The following ZNF790 variants were observed in gnomAD, a reference collection of about 807,000 sequenced individuals.
ZNF790 encodes the protein zinc finger protein 790.
ZNF790 carries 8 observed loss-of-function variants against 12.1 expected under a neutral mutation model. The ratio of observed to expected loss-of-function variants is 0.66; its 90% CI spans 0.39 to 1.19. The LOEUF (loss-of-function observed/expected upper bound fraction) is 1.19. Ranked by LOEUF, ZNF790 falls within the 50% of genes most tolerant of loss-of-function variation. ZNF790 has a pLI of 0.01. For synonymous variants in ZNF790, 252 were observed against 244.3 expected (o/e 1.03, Z -0.29); for missense variants, 707 against 752.2 (o/e 0.94, Z 0.70).
chr19:36,820,743 A>C (rs1242337518), intron 4 of ZNF790, among the ~76,000 whole-genome samples: 5 of 152,032 alleles, frequency 3.3e-5, no homozygotes, highest in Non-Finnish European at 1.5e-5. Flanking sequence ...ATCTCTATAA[A>C]AAATTAGCCA....
In ZNF790 at chr19:36,818,222, T is replaced by A. The variant is rs1036067262; in HGVS notation, c.*211A>T. 2.6e-6 allele frequency: 1 copy of A among 382,378 alleles called. No homozygotes were observed. Among genetic ancestry groups the A allele is most frequent in the African/African-American group, 2.1e-5 (1 of 48,778 alleles). The allele number at this position is 382,378 out of a possible 1,614,324, so 23.7% of individuals were successfully genotyped here. ...ATCTCATAAAATTTTACCCTGATAT[T>A]CTGCAATTGATAACTGATCAGTAAT... On this transcript the variant is annotated 3_prime_UTR_variant, in exon 5 of 5. Coordinates refer to ENST00000356725, the MANE Select transcript of ZNF790 (RefSeq NM_206894.4).
intron 4 of ZNF790, 114 bp from the exon 5 acceptor site, chr19:36,820,228 G>GA (rs2071639178): frequency 8.8e-7 from 1 of 1,142,760 alleles, no homozygotes; most frequent in Non-Finnish European, 1.2e-6. Flanking sequence ...GAATGGCTTA[G>GA]AAAATTCTCA....
At position 36,819,473 on chromosome 19, in the gene ZNF790, A is replaced by C; in HGVS notation, c.871T>G (p.Phe291Val). The change falls in exon 5 of 5, where the codon TTT becomes GTT. Residue 291 changes from phenylalanine to valine, a missense_variant. Coordinates refer to ENST00000356725, the MANE Select transcript of ZNF790 (RefSeq NM_206894.4). ...SYECKECGKA[F>V]SCGSDLTRHQ... is the part of the protein sequence containing the mutation. Reference sequence around the variant, plus strand: ...CGAGTAAGATCTGAGCCACAACTAAAGGCCTTCCCACATTCCTTACATTCA... The same window carrying C: ...CGAGTAAGATCTGAGCCACAACTAACGGCCTTCCCACATTCCTTACATTCA... The C allele has an allele frequency of 2.5e-6, 4 of 1,610,832 alleles. No homozygotes were observed. Among genetic ancestry groups the C allele is most frequent in the Non-Finnish European group, 3.4e-6 (4 of 1,178,120 alleles).
intron 1 of ZNF790, among the ~76,000 whole-genome samples, chr19:36,844,487 T>C (rs1303434268): frequency 6.6e-6 from 1 of 152,002 alleles, no homozygotes; most frequent in African/African-American, 2.4e-5. Flanking sequence ...AAAGAACTAG[T>C]GTACACATTG....
chr19:36,823,874 G>T, intron 2 of ZNF790, 84 bp from the exon 3 acceptor site: 1 of 1,331,040 alleles, frequency 7.5e-7, no homozygotes, highest in Non-Finnish European at 1.0e-6. Context: ...GGAAAGGCTG[G>T]AAAGGGGCAC....
chr19:36,846,407 A>G (rs1445904623), intron 1 of ZNF790, among the ~76,000 whole-genome samples: 4 of 152,138 alleles, frequency 2.6e-5, no homozygotes, highest in African/African-American at 9.7e-5. Flanking sequence ...TCTACTAAAA[A>G]TACAAAAATT....
chr19:36,823,471 T>C, intron 3 of ZNF790, 91 bp from the exon 4 acceptor site: 1 of 1,346,626 alleles, frequency 7.4e-7, no homozygotes, highest in Non-Finnish European at 1.0e-6. Flanking sequence ...AGAGAAACAA[T>C]TACAGGCAGG....
chr19:36,848,582 A>G (rs895582035), intron 1 of ZNF790, among the ~76,000 whole-genome samples: 2 of 152,338 alleles, frequency 1.3e-5, no homozygotes, highest in Non-Finnish European at 2.9e-5. Flanking sequence ...GAGCCACATT[A>G]GGTATAGATC....
At position 36,823,266 on chromosome 19, in the gene ZNF790, G is replaced by A. The variant is rs760081553; in HGVS notation, c.229+19C>T. ...ATCCACAACAATGGCCTCCTTGTGC[G>A]TGTTCAGCCCTCACTCACCTGGGCA... On this transcript the variant is annotated intron_variant, in intron 4 of 4. Transcript: ENST00000356725. 3.1e-6 allele frequency: 5 copies of A among 1,602,482 alleles called. No individual in the cohort carries two copies. The highest frequency in any genetic ancestry group is 2.6e-6 in the Non-Finnish European group (3 of 1,169,972).
intron 1 of ZNF790, among the ~76,000 whole-genome samples, chr19:36,833,689 G>GA (rs2071986027): frequency 6.6e-6 from 1 of 152,144 alleles, no homozygotes; most frequent in Admixed American, 6.5e-5. Context: ...AAATAACATG[G>GA]AAGAAAGGAT....
chr19:36,822,925 A>G (rs531255643), intron 4 of ZNF790, among the ~76,000 whole-genome samples: 12 of 151,404 alleles, frequency 7.9e-5, no homozygotes, highest in Admixed American at 5.3e-4. Flanking sequence ...ATCTCGGCTC[A>G]CTGCAACCTC....
At chr19:36,836,604 A>G (rs2072051497) in intron 1 of ZNF790, among the ~76,000 whole-genome samples, 1 of 152,158 alleles carries the variant, frequency 6.6e-6, no homozygotes. Flanking sequence ...TAAAAATAGA[A>G]AAGTTAGCTG....
intron 2 of ZNF790, among the ~76,000 whole-genome samples, chr19:36,825,152 C>G (rs368102984): frequency 7.2e-5 from 11 of 152,350 alleles, no homozygotes; most frequent in Admixed American, 3.9e-4. Context: ...AACTCAACCT[C>G]CCATCATATC....
At chr19:36,838,940 A>G (rs1257752965), upstream of ZNF790, among the ~76,000 whole-genome samples, 1 of 152,162 alleles carries the variant, frequency 6.6e-6, no homozygotes, top group East Asian at 1.9e-4. This position sits in a 1 kb window ranked among gnomAD's most constrained non-coding sequence, Gnocchi z 4.4. Flanking sequence ...CCAGCCTGGG[A>G]TAGAACGAAG....
At chr19:36,837,044 G>A (rs566122213) in intron 1 of ZNF790, among the ~76,000 whole-genome samples, 1 of 152,172 alleles carries the variant, frequency 6.6e-6, no homozygotes, top group African/African-American at 2.4e-5. Context: ...ACTATCCCAC[G>A]CTATCTCTCC....
At chr19:36,824,968 T>C (rs1192224632) in intron 2 of ZNF790, among the ~76,000 whole-genome samples, 6 of 152,066 alleles carry the variant, frequency 3.9e-5, no homozygotes, top group Non-Finnish European at 5.9e-5. Context: ...CTCCAGACTT[T>C]GTTAAGCAGC....
chr19:36,831,810 T>A (rs1250898254), intron 1 of ZNF790, among the ~76,000 whole-genome samples: 1 of 152,038 alleles, frequency 6.6e-6, no homozygotes, highest in Non-Finnish European at 1.5e-5. Flanking sequence ...TTTCCTGAAA[T>A]AGAGTATAAA....
At chr19:36,840,184 G>A (rs781486717), upstream of ZNF790, among the ~76,000 whole-genome samples, 1 of 152,156 alleles carries the variant, frequency 6.6e-6, no homozygotes, top group Non-Finnish European at 1.5e-5. Flanking sequence ...AAACCCCATA[G>A]TAAAGGCCTT....
Position 36,846,134 on chromosome 19 carries a change from G to A in ZNF790, c.-74+3868C>T, listed in dbSNP as rs554918235. Among the ~76,000 whole-genome samples the A allele has an allele frequency of 3.3e-5, 5 of 152,056 alleles. No individual in the cohort carries two copies. The East Asian group carries it at 9.8e-4, about 30-fold the overall frequency. On this transcript the variant is annotated intron_variant, in intron 1 of 4. Coordinates refer to the ZNF790 transcript ENST00000528994. The stretch of plus-strand genomic sequence containing the variant: ...CCAATCTTATCTTTATCTGGAATAT[G>A]ATATATTTCATTTACACATTCATTG...
Sources: gnomAD v4.1 joint callset for allele counts (sites outside exome capture counted in the v4.1 genomes callset) on GRCh38, gnomAD v4.1.1 for gene constraint, Gnocchi (gnomAD v3.1) non-coding constraint, MANE v1.5 for transcripts, NCBI Gene and HGNC (gene_info 2026-07-23, HGNC 2026-07-21) for gene names.